SUSD1: variants seen among roughly 807,000 people sequenced by gnomAD.
SUSD1 encodes the protein sushi domain containing 1, also known as sushi domain-containing protein 1.
SUSD1 carries 65 observed loss-of-function variants against 86.9 expected under a neutral mutation model. That is an observed-to-expected ratio of 0.75 (90% CI 0.61 to 0.92). The LOEUF (loss-of-function observed/expected upper bound fraction) is 0.92, where lower values mean the gene tolerates loss of function less well. Among genes scored for constraint, SUSD1 ranks in the 40% least tolerant of loss-of-function variants. The pLI is 0.00. For synonymous variants in SUSD1, 346 were observed against 350.0 expected (o/e 0.99, Z 0.13); for missense variants, 850 against 929.7 (o/e 0.91, Z 1.11).
At chr9:112,154,890 T>TA (rs537053892) in intron 2 of SUSD1, among the ~76,000 whole-genome samples, 118 of 152,298 alleles carry the variant, frequency 7.7e-4, no homozygotes, top group African/African-American at 2.6e-3. Context: ...GCCTAGTGCC[T>TA]GGGAGTAGTA....
At chr9:112,131,883 T>C (rs1407197388) in intron 5 of SUSD1, among the ~76,000 whole-genome samples, 2 of 152,216 alleles carry the variant, frequency 1.3e-5, no homozygotes, top group Non-Finnish European at 2.9e-5. Flanking sequence ...TACTTTCCCA[T>C]TGTCTGTGAT....
At position 112,086,069 on chromosome 9, in the gene SUSD1, C is replaced by G. The variant is rs373409105; in HGVS notation, c.1475-5904G>C. On this transcript the variant is annotated intron_variant, in intron 10 of 16. Coordinates refer to ENST00000374270, the MANE Select transcript of SUSD1 (RefSeq NM_022486.5). ...CTGTAATCCCAATACTTTGAGAGGC[C>G]GAGGTGGAAGGATTGCTTGAGCCCA... Among the ~76,000 whole-genome samples, 55 of 152,014 alleles carry G rather than the reference C, an allele frequency of 3.6e-4. No individual in the cohort carries two copies. In the South Asian group the frequency reaches 6.9e-3, roughly 19 times the overall value.
At chr9:112,144,927 A>G (rs1832743595) in intron 3 of SUSD1, among the ~76,000 whole-genome samples, 1 of 152,162 alleles carries the variant, frequency 6.6e-6, no homozygotes, top group Non-Finnish European at 1.5e-5. Context: ...TTTTTCCCTC[A>G]GAACTGACTT....
intron 5 of SUSD1, among the ~76,000 whole-genome samples, chr9:112,130,201 T>C (rs1003573075): frequency 4.6e-5 from 7 of 152,074 alleles, no homozygotes; most frequent in African/African-American, 1.7e-4. Flanking sequence ...GCTGAAACCC[T>C]GTCTCTACTA....
chr9:112,164,109 A>C (rs1833683446), intron 1 of SUSD1, among the ~76,000 whole-genome samples: 1 of 152,230 alleles, frequency 6.6e-6, no homozygotes. Context: ...TATGAAGAAG[A>C]AAAGAGGTGG....
At chr9:112,090,336 C>T (rs780137753) in intron 10 of SUSD1, among the ~76,000 whole-genome samples, 5 of 152,022 alleles carry the variant, frequency 3.3e-5, no homozygotes, top group Admixed American at 1.3e-4. Context: ...CGACCAATTT[C>T]CATAGAAAAA....
At chr9:112,152,751 C>CTTTTTTTTTTT (rs71382410) in intron 2 of SUSD1, among the ~76,000 whole-genome samples, 16 of 87,492 alleles carry the variant, frequency 1.8e-4, no homozygotes, top group South Asian at 3.9e-4. Flanking sequence ...TTTTTTTAAT[C>CTTTTTTTTTTT]TTTTTTTTTT....
chr9:112,105,103 A>T (rs1253941349), intron 8 of SUSD1: 1 of 152,126 alleles, frequency 6.6e-6, no homozygotes, highest in East Asian at 1.9e-4. Context: ...ACTAGATGAG[A>T]CCCAAAGAAA....
At chr9:112,068,795 C>T (rs1829112767) in intron 12 of SUSD1, among the ~76,000 whole-genome samples, 1 of 151,906 alleles carries the variant, frequency 6.6e-6, no homozygotes, top group Non-Finnish European at 1.5e-5. Flanking sequence ...GGCAAAAATA[C>T]AGGTTGTCCA....
intron 12 of SUSD1, among the ~76,000 whole-genome samples, chr9:112,073,788 G>T (rs555700564): frequency 7.2e-5 from 11 of 152,248 alleles, no homozygotes; most frequent in Non-Finnish European, 1.3e-4. Flanking sequence ...CGCTACTTGG[G>T]AGGTCGGGGC....
intron 7 of SUSD1, 81 bp from the exon 8 acceptor site, chr9:112,111,921 CTACTATTCT>C: frequency 7.0e-7 from 1 of 1,421,746 alleles, no homozygotes; most frequent in Non-Finnish European, 9.7e-7. Context: ...GCCCATTCTC[CTACTATTCT>C]ATTTTATACT....
intron 1 of SUSD1, chr9:112,173,885 G>A (rs1036385582): frequency 3.2e-5 from 9 of 283,338 alleles, no homozygotes; most frequent in African/African-American, 6.7e-5. Flanking sequence ...TAAAAGATTC[G>A]TATCTTTGTG....
At position 112,098,510 on chromosome 9, in the gene SUSD1, C is replaced by T; in HGVS notation, c.1434G>A (p.Lys478=). The stretch of plus-strand genomic sequence containing the variant: ...CTATTGTTATTTGCACTGAGTGCCG[C>T]TTAGGAGATCTCAGCAGGGTCACAT... ...TVNVTLLRSP[K]RHSVQITIAT... Residue 478 remains lysine, a synonymous_variant, in exon 10 of 17, where the codon AAG becomes AAA. Transcript: ENST00000374270. The T allele has an allele frequency of 6.2e-7, 1 of 1,614,190 alleles. No homozygotes were observed. The highest frequency in any genetic ancestry group is 8.5e-7 in the Non-Finnish European group (1 of 1,180,020).
At chr9:112,165,974 A>AAAGG (rs1207649227) in intron 1 of SUSD1, among the ~76,000 whole-genome samples, 1 of 151,650 alleles carries the variant, frequency 6.6e-6, no homozygotes, top group East Asian at 2.0e-4. Flanking sequence ...AGAAAGAAAG[A>AAAGG]AAGAAAGAAA....
At chr9:112,094,408 G>T (rs966818459) in intron 10 of SUSD1, among the ~76,000 whole-genome samples, 1 of 152,110 alleles carries the variant, frequency 6.6e-6, no homozygotes, top group Non-Finnish European at 1.5e-5. Context: ...CTTTTAAATG[G>T]CCCTGGATGA....
intron 11 of SUSD1, 43 bp from the exon 12 acceptor site, chr9:112,078,767 A>G: frequency 6.4e-7 from 1 of 1,571,958 alleles, no homozygotes. Flanking sequence ...TTGGCCTAAA[A>G]GGCTTTAGAT....
At chr9:112,112,670 C>T (rs1438569687) in intron 7 of SUSD1, 101 bp downstream of exon 7, 1 of 741,940 alleles carries the variant, frequency 1.3e-6, no homozygotes, top group African/African-American at 1.8e-5. Flanking sequence ...AAAAAAACAG[C>T]AATTAGATTG....
chr9:112,149,245 T>C lies in SUSD1; in HGVS notation c.372A>G (p.Thr124=). Residue 124 remains threonine (T), a splice_region_variant and synonymous_variant, in exon 3 of 17, where the codon ACA becomes ACG. Transcript: ENST00000374270. ...CACCGCAGCCCCCTTCTTGAGTACC[T>C]GTACAAAAGGTGCCATCGTTGGGAA... ...TFIPNDGTFC[T]DIDECEVSGL... The C allele has an allele frequency of 6.2e-7, 1 of 1,614,148 alleles. No individual in the cohort carries two copies. The highest frequency in any genetic ancestry group is 8.5e-7 in the Non-Finnish European group (1 of 1,180,006).
At chr9:112,058,268 T>A (rs911829746) in intron 14 of SUSD1, among the ~76,000 whole-genome samples, 160 bp downstream of exon 14, 9 of 152,234 alleles carry the variant, frequency 5.9e-5, no homozygotes, top group African/African-American at 1.9e-4. Flanking sequence ...CTGTAAGGGT[T>A]TCACCTGTCC....
Sources: allele counts gnomAD v4.1 joint callset (sites outside exome capture counted in the v4.1 genomes callset), GRCh38; gene constraint gnomAD v4.1.1; transcripts MANE v1.5; gene names NCBI Gene and HGNC (gene_info 2026-07-23, HGNC 2026-07-21).